The following APBB2 variants were observed in gnomAD, a reference collection of about 807,000 sequenced individuals.
APBB2 encodes the protein Fe65-like 1.
A neutral mutation model predicts 82.5 loss-of-function variants in APBB2; 38 were observed. That is an observed-to-expected ratio of 0.46 (90% CI 0.36 to 0.60). The LOEUF (loss-of-function observed/expected upper bound fraction) is 0.60. Ranked by LOEUF, APBB2 falls within the 20% of genes least tolerant of loss-of-function variation. The pLI is 0.00. For synonymous variants in APBB2, 341 were observed against 368.2 expected (o/e 0.93, Z 0.85); for missense variants, 772 against 972.3 (o/e 0.79, Z 2.74).
At chr4:41,121,161 G>A (rs1284913683) in intron 2 of APBB2, among the ~76,000 whole-genome samples, 1 of 152,188 alleles carries the variant, frequency 6.6e-6, no homozygotes, top group Non-Finnish European at 1.5e-5. Flanking sequence ...ACTGAATATA[G>A]TTCCCCAAGA....
intron 2 of APBB2, among the ~76,000 whole-genome samples, chr4:41,118,798 C>T (rs542909961): frequency 6.6e-5 from 10 of 151,750 alleles, no homozygotes; most frequent in Admixed American, 1.3e-4. Context: ...ATTGAGATAC[C>T]CTGTACTATC....
intron 4 of APBB2, among the ~76,000 whole-genome samples, chr4:41,052,737 C>T (rs1345105751): frequency 1.3e-5 from 2 of 151,456 alleles, no homozygotes; most frequent in Non-Finnish European, 2.9e-5. Context: ...CAGTGTTTCT[C>T]GTTCCTTTGG....
chr4:40,993,071 T>C (rs1456355191), intron 6 of APBB2, among the ~76,000 whole-genome samples: 2 of 152,202 alleles, frequency 1.3e-5, no homozygotes, highest in Non-Finnish European at 2.9e-5. Flanking sequence ...CCTTACTACA[T>C]GGCAATCACT....
At chr4:41,075,460 T>G (rs1735343684) in intron 3 of APBB2, among the ~76,000 whole-genome samples, 1 of 152,216 alleles carries the variant, frequency 6.6e-6, no homozygotes, top group African/African-American at 2.4e-5. Flanking sequence ...TTGTAAGAGA[T>G]ACTCTGGGTG....
intron 5 of APBB2, among the ~76,000 whole-genome samples, chr4:41,031,569 A>G (rs1560570382): frequency 6.6e-6 from 1 of 152,248 alleles, no homozygotes; most frequent in African/African-American, 2.4e-5. Flanking sequence ...CTGTTTGAGC[A>G]CCAGCATGAA....
intron 2 of APBB2, among the ~76,000 whole-genome samples, chr4:41,138,400 T>G (rs1330652165): frequency 6.6e-6 from 1 of 152,152 alleles, no homozygotes; most frequent in African/African-American, 2.4e-5. Context: ...TGATTAAAAT[T>G]TACAGTATTT....
At chr4:41,073,634 A>C (rs553623452) in intron 3 of APBB2, among the ~76,000 whole-genome samples, 2 of 152,190 alleles carry the variant, frequency 1.3e-5, no homozygotes, top group Non-Finnish European at 2.9e-5. Flanking sequence ...AAATCCTGAC[A>C]CCTCCAACTC....
chr4:41,113,360 G>A (rs1295943866), intron 2 of APBB2, among the ~76,000 whole-genome samples: 1 of 152,106 alleles, frequency 6.6e-6, no homozygotes, highest in Non-Finnish European at 1.5e-5. Flanking sequence ...ATCATAGCTG[G>A]AATTTTAGAT....
At chr4:40,982,452 A>AGAAAGAAAGAAT (rs1560450212) in intron 6 of APBB2, among the ~76,000 whole-genome samples, 1 of 87,764 alleles carries the variant, frequency 1.1e-5, no homozygotes, top group African/African-American at 4.2e-5. Context: ...AAAGAAAGAA[A>AGAAAGAAAGAAT]GAATGAATGA....
chr4:41,140,543 C>T (rs1157680144), intron 2 of APBB2, among the ~76,000 whole-genome samples: 1 of 152,216 alleles, frequency 6.6e-6, no homozygotes, highest in East Asian at 1.9e-4. Context: ...TACATTGTCA[C>T]ACTGCATGTC....
intron 12 of APBB2, among the ~76,000 whole-genome samples, chr4:40,878,507 A>G: frequency 6.6e-6 from 1 of 152,024 alleles, no homozygotes; most frequent in East Asian, 1.9e-4. Context: ...ATCCATCTTC[A>G]TCCACTGTGT....
intron 6 of APBB2, among the ~76,000 whole-genome samples, chr4:40,984,239 A>T (rs12499094): frequency 0.1 from 15,189 of 152,002 alleles, 846 homozygotes; most frequent in Admixed American, 0.15. Context: ...CAGGAGCTGC[A>T]CTCCTGGGAA....
intron 10 of APBB2, among the ~76,000 whole-genome samples, chr4:40,898,000 CA>C (rs1252535295): frequency 6.6e-6 from 1 of 152,010 alleles, no homozygotes; most frequent in Non-Finnish European, 1.5e-5. Context: ...AGTTCTTAAC[CA>C]AAAGGGCAAA....
intron 4 of APBB2, among the ~76,000 whole-genome samples, chr4:41,059,245 G>A (rs1434764839): frequency 6.6e-6 from 1 of 152,244 alleles, no homozygotes; most frequent in Admixed American, 6.5e-5. Context: ...CGGATCACCT[G>A]AGGTCAGGAG....
At chr4:41,133,931 T>G (rs913957819) in intron 2 of APBB2, among the ~76,000 whole-genome samples, 1 of 152,190 alleles carries the variant, frequency 6.6e-6, no homozygotes, top group African/African-American at 2.4e-5. Context: ...ATGGAGTAGA[T>G]GGCTGGGCCA....
Position 40,922,957 on chromosome 4 carries a change from T to G in APBB2, c.1254+11499A>C, listed in dbSNP as rs568680814. ...TCTAATTGTTCTGTAGGAAAAACCA[T>G]CAGTTCTCCATCAATTTTTTTCTTT... On this transcript the variant is annotated intron_variant, in intron 10 of 17. Coordinates refer to ENST00000508593, the MANE Select transcript of APBB2 (RefSeq NM_004307.2). Among the ~76,000 whole-genome samples the G allele has an allele frequency of 2.0e-5, 3 of 148,002 alleles. No individual in the cohort carries two copies. In the East Asian group the frequency reaches 6.1e-4, roughly 30 times the overall value.
At chr4:41,185,651 C>T (rs1241937647) in intron 1 of APBB2, among the ~76,000 whole-genome samples, 1 of 152,096 alleles carries the variant, frequency 6.6e-6, no homozygotes, top group Non-Finnish European at 1.5e-5. Flanking sequence ...AGAGAATTGG[C>T]CTTCACTTTA....
At chr4:40,992,956 G>A (rs1000299755) in intron 6 of APBB2, among the ~76,000 whole-genome samples, 2 of 152,144 alleles carry the variant, frequency 1.3e-5, no homozygotes, top group African/African-American at 4.8e-5. Context: ...TTCTGTTTGT[G>A]TACACAATCG....
At chr4:41,025,728 G>T (rs1008212277) in intron 5 of APBB2, among the ~76,000 whole-genome samples, 4 of 151,896 alleles carry the variant, frequency 2.6e-5, no homozygotes, top group African/African-American at 9.7e-5. Flanking sequence ...AGACCAGCCT[G>T]GCCAACATGG....
Sources: allele counts gnomAD v4.1 joint callset (sites outside exome capture counted in the v4.1 genomes callset), GRCh38; gene constraint gnomAD v4.1.1; transcripts MANE v1.5; gene names NCBI Gene and HGNC (gene_info 2026-07-23, HGNC 2026-07-21).